Variants in WWOX observed in about 807,000 individuals in gnomAD.
WWOX encodes the protein WW domain containing oxidoreductase, also known as WW domain-containing oxidoreductase.
A neutral mutation model predicts 46.2 loss-of-function variants in WWOX; 69 were observed. The ratio of observed to expected loss-of-function variants is 1.49; its 90% CI spans 1.23 to 1.82. WWOX has a LOEUF of 1.82. Ranked by LOEUF, WWOX falls within the 40% of genes most tolerant of loss-of-function variation. The pLI, the probability that WWOX is intolerant of heterozygous loss-of-function variation, is 0.00. For synonymous variants in WWOX, 359 were observed against 202.6 expected (o/e 1.77, Z -6.56); for missense variants, 919 against 542.6 (o/e 1.69, Z -6.89).
chr16:79,183,008 C>T (rs979431433), intron 8 of WWOX, among the ~76,000 whole-genome samples: 2 of 152,198 alleles, frequency 1.3e-5, no homozygotes, highest in South Asian at 2.1e-4. Flanking sequence ...TGGTGGCCCT[C>T]GTCTGACACA....
intron 8 of WWOX, among the ~76,000 whole-genome samples, chr16:78,761,734 G>C (rs561278219): frequency 6.6e-6 from 1 of 152,156 alleles, no homozygotes; most frequent in African/African-American, 2.4e-5. Flanking sequence ...GGTCCTCTTT[G>C]AAATCCCACA....
At chr16:79,151,711 C>T (rs1360760717) in intron 8 of WWOX, among the ~76,000 whole-genome samples, 1 of 152,158 alleles carries the variant, frequency 6.6e-6, no homozygotes, top group African/African-American at 2.4e-5. Flanking sequence ...GTGTTGAGAG[C>T]ATGCTAGTCT....
At chr16:78,878,340 C>T (rs888139307) in intron 8 of WWOX, among the ~76,000 whole-genome samples, 19 of 152,098 alleles carry the variant, frequency 1.2e-4, no homozygotes, top group Admixed American at 1.2e-3. Flanking sequence ...CAGGCAGGCC[C>T]CTGGGTTCAA....
chr16:79,160,659 G>A (rs999639767), intron 8 of WWOX, among the ~76,000 whole-genome samples: 1 of 151,880 alleles, frequency 6.6e-6, no homozygotes, highest in African/African-American at 2.4e-5. Flanking sequence ...GCCCACACTC[G>A]GCTCACTGAT....
intron 8 of WWOX, among the ~76,000 whole-genome samples, chr16:79,001,034 T>C (rs1399665114): frequency 6.6e-6 from 1 of 152,182 alleles, no homozygotes; most frequent in Non-Finnish European, 1.5e-5. Context: ...AGTGAGTGAA[T>C]GCAGGAAGGA....
At chr16:78,655,664 A>G (rs928388817) in intron 8 of WWOX, among the ~76,000 whole-genome samples, 1 of 152,168 alleles carries the variant, frequency 6.6e-6, no homozygotes. Flanking sequence ...ATTTATATCA[A>G]CAGAGATGCA....
intron 8 of WWOX, among the ~76,000 whole-genome samples, chr16:78,831,193 C>A (rs186965596): frequency 6.6e-6 from 1 of 151,470 alleles, no homozygotes; most frequent in Non-Finnish European, 1.5e-5. Flanking sequence ...TGTCTGAGCA[C>A]CATCTCTGTG....
intron 5 of WWOX, among the ~76,000 whole-genome samples, chr16:78,271,302 A>G (rs1472038303): frequency 6.6e-6 from 1 of 152,192 alleles, no homozygotes; most frequent in African/African-American, 2.4e-5. Context: ...GAGTGCGTGT[A>G]TCTTGTCAAA....
intron 8 of WWOX, among the ~76,000 whole-genome samples, chr16:79,091,161 G>A: frequency 6.6e-6 from 1 of 152,098 alleles, no homozygotes; most frequent in East Asian, 1.9e-4. Context: ...CCAGTGACCA[G>A]CCACCATAAC....
intron 6 of WWOX, among the ~76,000 whole-genome samples, chr16:78,406,719 G>A (rs2082556955): frequency 6.7e-6 from 1 of 150,094 alleles, no homozygotes; most frequent in Admixed American, 6.6e-5. Context: ...CTCCTCCTCC[G>A]GGGTTCAAGC....
chr16:78,285,731 C>A lies in WWOX; in HGVS notation c.517-101129C>A, dbSNP rs540741702. Reference sequence around the variant, plus strand: ...GTAATCGGCCCATATGTGCAGCAACCTTTGCGCCTAAATAGCTGAGGACAA... The same window carrying A: ...GTAATCGGCCCATATGTGCAGCAACATTTGCGCCTAAATAGCTGAGGACAA... On this transcript the variant is annotated intron_variant, in intron 5 of 8. Coordinates refer to ENST00000566780, the MANE Select transcript of WWOX (RefSeq NM_016373.4). 2.9e-3 allele frequency among the ~76,000 whole-genome samples: 442 copies of A among 152,258 alleles called. 1 individual carries two copies. The highest frequency in any genetic ancestry group is 0.01 in the African/African-American group (423 of 41,558).
At chr16:78,917,438 A>G (rs987248538) in intron 8 of WWOX, among the ~76,000 whole-genome samples, 2 of 152,094 alleles carry the variant, frequency 1.3e-5, no homozygotes, top group East Asian at 1.9e-4. Flanking sequence ...GAACTGAGCA[A>G]GGTTCATCTA....
intron 8 of WWOX, among the ~76,000 whole-genome samples, chr16:78,585,819 T>C (rs951545418): frequency 3.9e-5 from 6 of 152,020 alleles, no homozygotes; most frequent in Admixed American, 2.6e-4. Context: ...CTTGGCCTGA[T>C]TCTGTGGCCT....
Position 78,930,430 on chromosome 16 carries a change from A to G in WWOX, c.1057-281178A>G, listed in dbSNP as rs970242411. Among the ~76,000 whole-genome samples, 7 of 135,126 alleles carry G rather than the reference A, an allele frequency of 5.2e-5. No individual in the cohort carries two copies. In the Admixed American group the frequency reaches 5.4e-4, roughly 10 times the overall value. The allele number at this position is 135,126 out of a possible 152,430, so 88.6% of individuals were successfully genotyped here. A position where few individuals can be genotyped will look rare whatever the true frequency, so the allele number is the denominator to read the frequency against. ...GTAGCTGGGACTACAGGTGTGCACC[A>G]CCACACCCAGCTAGCTAATTTTTTT... On this transcript the variant is annotated intron_variant, in intron 8 of 8. Coordinates refer to ENST00000566780, the MANE Select transcript of WWOX (RefSeq NM_016373.4).
chr16:78,824,566 C>A (rs1405462358), intron 8 of WWOX, among the ~76,000 whole-genome samples: 1 of 152,008 alleles, frequency 6.6e-6, no homozygotes, highest in Non-Finnish European at 1.5e-5. Context: ...TTTAATTGGA[C>A]TTACAGTTCC....
intron 5 of WWOX, among the ~76,000 whole-genome samples, chr16:78,210,028 A>G (rs2036508475): frequency 6.6e-6 from 1 of 152,136 alleles, no homozygotes; most frequent in Non-Finnish European, 1.5e-5. Context: ...GTACGAGAAA[A>G]GCCAAAAAGA....
chr16:78,141,016 C>T (rs1385509120), intron 4 of WWOX, among the ~76,000 whole-genome samples: 1 of 152,190 alleles, frequency 6.6e-6, no homozygotes, highest in African/African-American at 2.4e-5. Flanking sequence ...TGCCTACGTG[C>T]AGCTTACTTT....
intron 5 of WWOX, among the ~76,000 whole-genome samples, chr16:78,228,055 A>C (rs1250504880): frequency 6.6e-6 from 1 of 151,846 alleles, no homozygotes; most frequent in Non-Finnish European, 1.5e-5. Context: ...ATCAAACAGC[A>C]CCTGCCCAGG....
intron 8 of WWOX, among the ~76,000 whole-genome samples, chr16:78,779,391 T>C (rs2142547796): frequency 6.6e-6 from 1 of 152,234 alleles, no homozygotes; most frequent in Admixed American, 6.5e-5. Context: ...AAGAAATCCT[T>C]CCACCTCAGC....
Sources: allele counts gnomAD v4.1 joint callset (sites outside exome capture counted in the v4.1 genomes callset), GRCh38; gene constraint gnomAD v4.1.1; transcripts MANE v1.5; gene names NCBI Gene and HGNC (gene_info 2026-07-23, HGNC 2026-07-21).